Variants in MAP4K3 observed in about 807,000 individuals in gnomAD.
The protein encoded by MAP4K3 is mitogen-activated protein kinase kinase kinase kinase 3, also known as MAPK/ERK kinase kinase kinase 3.
In MAP4K3, 94 loss-of-function variants were observed where a neutral mutation model predicts 143.5. The observed-to-expected ratio is 0.65, with a 90% CI of 0.55 to 0.78. The LOEUF (loss-of-function observed/expected upper bound fraction) is 0.78. Among genes scored for constraint, MAP4K3 ranks in the 30% least tolerant of loss-of-function variants. The pLI is 0.00. For missense variants in MAP4K3, 1,077 were observed against 1,068.1 expected, an observed-to-expected ratio of 1.01 and a Z score of -0.12; for synonymous variants, 416 against 347.2, an observed-to-expected ratio of 1.20 and a Z score of -2.20.
At chr2:39,373,327 C>T (rs760156879) in intron 2 of MAP4K3, among the ~76,000 whole-genome samples, 31 of 152,172 alleles carry the variant, frequency 2.0e-4, no homozygotes, top group Non-Finnish European at 1.9e-4. Flanking sequence ...AACCCTCCTA[C>T]ACTGTCAGTA....
intron 4 of MAP4K3, among the ~76,000 whole-genome samples, chr2:39,339,426 C>T (rs894190353): frequency 2.0e-5 from 3 of 152,084 alleles, no homozygotes; most frequent in Admixed American, 6.5e-5. Flanking sequence ...TACTAGCTAA[C>T]TTTACAAACA....
intron 16 of MAP4K3, among the ~76,000 whole-genome samples, chr2:39,296,201 GAATT>G (rs769210594): frequency 3.9e-5 from 6 of 152,138 alleles, no homozygotes; most frequent in African/African-American, 4.8e-5. Context: ...TGAAATTACA[GAATT>G]AATACGGTCT....
At chr2:39,430,978 A>T (rs1197821640) in intron 1 of MAP4K3, among the ~76,000 whole-genome samples, 1 of 152,174 alleles carries the variant, frequency 6.6e-6, no homozygotes, top group Non-Finnish European at 1.5e-5. Flanking sequence ...TCATTTATTC[A>T]TTCCATAAAT....
intron 3 of MAP4K3, among the ~76,000 whole-genome samples, chr2:39,352,584 A>G (rs184820836): frequency 1.9e-3 from 290 of 152,360 alleles, no homozygotes; most frequent in African/African-American, 6.6e-3. Flanking sequence ...ACTATTTAAA[A>G]TTTTTAAATG....
intron 1 of MAP4K3, among the ~76,000 whole-genome samples, chr2:39,430,622 C>A (rs1053744476): frequency 4.0e-5 from 6 of 151,816 alleles, no homozygotes; most frequent in Non-Finnish European, 8.8e-5. Context: ...CCAATTTAAT[C>A]GTATTTTAAA....
intron 1 of MAP4K3, among the ~76,000 whole-genome samples, chr2:39,414,883 A>T (rs1275866413): frequency 6.6e-6 from 1 of 152,180 alleles, no homozygotes; most frequent in Non-Finnish European, 1.5e-5. Flanking sequence ...ACTCAAAAAA[A>T]AAAAAGAGTA....
chr2:39,385,575 TA>T (rs1421193387), intron 1 of MAP4K3, among the ~76,000 whole-genome samples: 1 of 138,784 alleles, frequency 7.2e-6, no homozygotes, highest in Non-Finnish European at 1.5e-5. Flanking sequence ...TATATATATA[TA>T]TATATATATA....
At chr2:39,290,106 A>C (rs1681975221) in intron 19 of MAP4K3, among the ~76,000 whole-genome samples, 186 bp downstream of exon 19, 1 of 134,082 alleles carries the variant, frequency 7.5e-6, no homozygotes, top group Admixed American at 7.6e-5. Context: ...AAAAAAAAAA[A>C]AGAACACTAA....
chr2:39,322,026 A>C (rs1573148173), intron 12 of MAP4K3, among the ~76,000 whole-genome samples: 1 of 125,938 alleles, frequency 7.9e-6, no homozygotes, highest in East Asian at 2.4e-4. Flanking sequence ...GGGTCCCCTT[A>C]TTTCTTTCTC....
chr2:39,372,679 C>A (rs943328303), intron 2 of MAP4K3, among the ~76,000 whole-genome samples: 3 of 152,046 alleles, frequency 2.0e-5, no homozygotes, highest in Non-Finnish European at 4.4e-5. Flanking sequence ...CAAGAACATA[C>A]ACTGGGGAAA....
At chr2:39,379,468 T>C (rs1406858228) in intron 1 of MAP4K3, among the ~76,000 whole-genome samples, 2 of 152,096 alleles carry the variant, frequency 1.3e-5, no homozygotes, top group African/African-American at 4.8e-5. Flanking sequence ...ATGTTTCAAA[T>C]AGACAGTGCT....
intron 14 of MAP4K3, 87 bp downstream of exon 14, chr2:39,309,374 G>T: frequency 1.1e-6 from 1 of 934,672 alleles, no homozygotes; most frequent in South Asian, 1.6e-5. Context: ...TTAATGACTA[G>T]CTTTTTTGGT....
chr2:39,252,754 C>T (rs1680199450), intron 32 of MAP4K3, among the ~76,000 whole-genome samples: 1 of 152,208 alleles, frequency 6.6e-6, no homozygotes, highest in Non-Finnish European at 1.5e-5. Context: ...ATTAGATTTT[C>T]TAGAAACACT....
At chr2:39,272,193 C>A in intron 26 of MAP4K3, 90 bp downstream of exon 26, 1 of 967,830 alleles carries the variant, frequency 1.0e-6, no homozygotes, top group East Asian at 2.4e-5. Context: ...TTTTATTAAC[C>A]CAAACTGAGT....
intron 12 of MAP4K3, among the ~76,000 whole-genome samples, chr2:39,321,108 C>T (rs1160129094): frequency 6.6e-6 from 1 of 152,080 alleles, no homozygotes; most frequent in Non-Finnish European, 1.5e-5. Flanking sequence ...TTTTGATGCA[C>T]CTTAGCATTA....
intron 3 of MAP4K3, among the ~76,000 whole-genome samples, chr2:39,350,986 C>T (rs1441109862): frequency 6.6e-6 from 1 of 152,088 alleles, no homozygotes; most frequent in African/African-American, 2.4e-5. Flanking sequence ...ATAAAAATAA[C>T]ACAAATTAAT....
intron 1 of MAP4K3, among the ~76,000 whole-genome samples, chr2:39,399,045 A>T (rs1666885883): frequency 1.8e-5 from 2 of 113,354 alleles, no homozygotes; most frequent in East Asian, 2.2e-4. Context: ...CTGTCTCGTT[A>T]AAAAAAAAAA....
intron 16 of MAP4K3, among the ~76,000 whole-genome samples, chr2:39,299,414 C>T (rs1042652785): frequency 7.9e-5 from 12 of 151,988 alleles, no homozygotes; most frequent in African/African-American, 2.7e-4. Flanking sequence ...TAGAGATGTA[C>T]CAAAGCAAGT....
intron 1 of MAP4K3, among the ~76,000 whole-genome samples, chr2:39,387,496 C>T (rs1204822792): frequency 6.6e-6 from 1 of 152,206 alleles, no homozygotes; most frequent in African/African-American, 2.4e-5. Context: ...GTGATAACTG[C>T]ATTAGACAGC....
Sources: allele counts gnomAD v4.1 joint callset (sites outside exome capture counted in the v4.1 genomes callset), GRCh38; gene constraint gnomAD v4.1.1; transcripts MANE v1.5; gene names NCBI Gene and HGNC (gene_info 2026-07-23, HGNC 2026-07-21).